Variants in ITFG1 observed in about 807,000 individuals in gnomAD.
The protein encoded by ITFG1 is T-cell immunomodulatory protein.
Under a neutral mutation model 81.8 loss-of-function variants are expected in ITFG1, and 34 were observed. The observed-to-expected ratio is 0.42, with a 90% CI of 0.32 to 0.55. The LOEUF (loss-of-function observed/expected upper bound fraction) is 0.55. Ranked by LOEUF, ITFG1 falls within the 20% of genes least tolerant of loss-of-function variation. ITFG1 has a pLI of 0.17. For missense variants in ITFG1, 672 were observed against 755.4 expected, an observed-to-expected ratio of 0.89 and a Z score of 1.29; for synonymous variants, 285 against 270.6, an observed-to-expected ratio of 1.05 and a Z score of -0.52.
intron 8 of ITFG1, among the ~76,000 whole-genome samples, chr16:47,339,952 G>C (rs1056314022): frequency 6.6e-6 from 1 of 151,796 alleles, no homozygotes; most frequent in African/African-American, 2.4e-5. Flanking sequence ...AGAAAATTTT[G>C]AGAACAGAAA....
intron 9 of ITFG1, 26 bp from the exon 10 acceptor site, chr16:47,311,438 A>C (rs1482176090): frequency 6.6e-7 from 1 of 1,512,500 alleles, no homozygotes. Context: ...AAAAGATCAG[A>C]CTTTATAGTT....
chr16:47,320,897 A>G (rs1235965070), intron 8 of ITFG1, among the ~76,000 whole-genome samples: 1 of 152,236 alleles, frequency 6.6e-6, no homozygotes. Context: ...GGAAATACTA[A>G]AACACTTGGT....
At chr16:47,212,065 A>C (rs1008822295) in intron 14 of ITFG1, among the ~76,000 whole-genome samples, 32 of 151,774 alleles carry the variant, frequency 2.1e-4, no homozygotes, top group Non-Finnish European at 7.4e-5. Context: ...TTGTCCCACT[A>C]ATCATGATTT....
intron 9 of ITFG1, 127 bp from the exon 10 acceptor site, chr16:47,311,539 A>G: frequency 1.7e-6 from 1 of 605,690 alleles, no homozygotes; most frequent in Non-Finnish European, 2.7e-6. Context: ...TATCTCTACA[A>G]TATGGTAGGG....
chr16:47,410,060 GC>G (rs1246571022), intron 6 of ITFG1, among the ~76,000 whole-genome samples: 1 of 152,154 alleles, frequency 6.6e-6, no homozygotes, highest in Non-Finnish European at 1.5e-5. Flanking sequence ...GATCGTTTGA[GC>G]TTAGGAGTTC....
chr16:47,348,262 C>T (rs77451015), intron 8 of ITFG1, among the ~76,000 whole-genome samples: 10 of 152,200 alleles, frequency 6.6e-5, no homozygotes, highest in East Asian at 1.9e-4. Context: ...CAAACTTCTC[C>T]GAGCTAAAGG....
intron 14 of ITFG1, among the ~76,000 whole-genome samples, chr16:47,207,380 G>A (rs1017877145): frequency 1.3e-5 from 2 of 152,138 alleles, no homozygotes; most frequent in Admixed American, 6.6e-5. Context: ...CACCGCGCCC[G>A]GCCTGCTCTC....
chr16:47,238,788 C>T (rs886786419), intron 12 of ITFG1, among the ~76,000 whole-genome samples: 1 of 152,000 alleles, frequency 6.6e-6, no homozygotes, highest in African/African-American at 2.4e-5. Flanking sequence ...AAAATATATC[C>T]AGAAGAAAAT....
intron 13 of ITFG1, 151 bp from the exon 14 acceptor site, chr16:47,219,097 T>C (rs930510123): frequency 7.0e-6 from 3 of 427,530 alleles, no homozygotes; most frequent in Non-Finnish European, 1.2e-5. Flanking sequence ...GAAAACCTGT[T>C]GTTTCCTAGG....
intron 17 of ITFG1, among the ~76,000 whole-genome samples, chr16:47,157,990 T>C (rs562903850): frequency 1.3e-3 from 205 of 152,380 alleles, no homozygotes; most frequent in Admixed American, 3.1e-3. Context: ...AAAAATCTTT[T>C]ACATATTTGG....
intron 8 of ITFG1, among the ~76,000 whole-genome samples, chr16:47,354,373 C>T (rs1336640717): frequency 6.6e-6 from 1 of 151,956 alleles, no homozygotes; most frequent in Non-Finnish European, 1.5e-5. Context: ...AAGTCAACCC[C>T]CATTTCTCAT....
At position 47,201,207 on chromosome 16, in the gene ITFG1, A is replaced by AT. The variant is rs765492131; in HGVS notation, c.1453+17660dup. 3.4e-3 allele frequency among the ~76,000 whole-genome samples: 482 copies of AT among 139,796 alleles called. 1 individual carries two copies. Among genetic ancestry groups the AT allele is most frequent in the East Asian group, 0.012 (60 of 4,932 alleles). 91.7% of individuals were successfully genotyped at this position (139,796 alleles called of 152,430 possible). On this transcript the variant is annotated intron_variant, in intron 14 of 17. Transcript: ENST00000320640. ...AGAATCTGAATTTATATTTAGGAGA[A>AT]TTTTTTTTTTTTTTTTTTTGAGACG...
At chr16:47,241,620 G>A (rs994771209) in intron 12 of ITFG1, among the ~76,000 whole-genome samples, 1 of 152,166 alleles carries the variant, frequency 6.6e-6, no homozygotes, top group African/African-American at 2.4e-5. Context: ...ACATAAAGTA[G>A]ATGAGTGGTT....
intron 8 of ITFG1, among the ~76,000 whole-genome samples, chr16:47,318,121 A>C (rs760883537): frequency 6.6e-6 from 1 of 152,142 alleles, no homozygotes; most frequent in Non-Finnish European, 1.5e-5. Context: ...GAAACCAAAA[A>C]AAAAAGTCAT....
intron 10 of ITFG1, chr16:47,263,414 C>T: frequency 2.2e-6 from 1 of 455,818 alleles, no homozygotes; most frequent in South Asian, 1.8e-5. Flanking sequence ...TGCTGCTAAC[C>T]TCTACCATGT....
At chr16:47,167,049 A>C (rs145557464) in intron 14 of ITFG1, among the ~76,000 whole-genome samples, 1 of 152,250 alleles carries the variant, frequency 6.6e-6, no homozygotes, top group African/African-American at 2.4e-5. Flanking sequence ...GCAACTATCA[A>C]TTCTCTCTTG....
chr16:47,401,676 G>C (rs1968663444), intron 6 of ITFG1, among the ~76,000 whole-genome samples: 1 of 152,048 alleles, frequency 6.6e-6, no homozygotes, highest in African/African-American at 2.4e-5. Context: ...CTATTAAATG[G>C]AACAGATAAA....
At position 47,382,952 on chromosome 16, in the gene ITFG1, A is replaced by G. The variant is rs548649885; in HGVS notation, c.656-7012T>C. Among the ~76,000 whole-genome samples, 14 of 152,336 alleles carry G rather than the reference A, an allele frequency of 9.2e-5. No individual in the cohort carries two copies. In the South Asian group the frequency reaches 2.5e-3, roughly 27 times the overall value. ...AAATGTAATCAAGACAATTGTGGTAAGTTAATGGTCCCCAAAGACTTAGCA... is the reference window on the plus strand; with the variant it reads ...AAATGTAATCAAGACAATTGTGGTAGGTTAATGGTCCCCAAAGACTTAGCA... On this transcript the variant is annotated intron_variant, in intron 6 of 17. Transcript: ENST00000320640.
Position 47,451,449 on chromosome 16 carries a change from A to G in ITFG1, c.507T>C (p.Pro169=), listed in dbSNP as rs765217539. Residue 169 remains proline (P), a synonymous_variant, in exon 5 of 18, where the codon CCT becomes CCC. Transcript: ENST00000320640. ...LIMDFNGDLI[P]DIFGITNESN... ...ATTCATTTGTGATACCAAAAATATC[A>G]GGAATTAGATCACCATTGAAACTGA... The G allele has an allele frequency of 1.8e-5, 29 of 1,579,384 alleles. No homozygotes were observed. Among genetic ancestry groups the G allele is most frequent in the Non-Finnish European group, 2.5e-5 (29 of 1,149,788 alleles).
Sources: gnomAD v4.1 joint callset for allele counts (sites outside exome capture counted in the v4.1 genomes callset) on GRCh38, gnomAD v4.1.1 for gene constraint, MANE v1.5 for transcripts, NCBI Gene and HGNC (gene_info 2026-07-23, HGNC 2026-07-21) for gene names.